Variants in DNAJC7 observed in about 807,000 individuals in gnomAD.
DNAJC7 encodes DnaJ heat shock protein family (Hsp40) member C7.
In DNAJC7, 18 loss-of-function variants were observed where a neutral mutation model predicts 67.4. The ratio of observed to expected loss-of-function variants is 0.27; its 90% CI spans 0.18 to 0.40. DNAJC7 has a LOEUF of 0.40. Among genes scored for constraint, DNAJC7 ranks in the 10% least tolerant of loss-of-function variants. DNAJC7 has a pLI of 1.00. For synonymous variants in DNAJC7, 220 were observed against 207.8 expected, an observed-to-expected ratio of 1.06 and a Z score of -0.50; for missense variants, 419 against 613.8, an observed-to-expected ratio of 0.68 and a Z score of 3.35.
chr17:41,977,427 G>T, intron 12 of DNAJC7, 104 bp from the exon 13 acceptor site: 2 of 1,085,078 alleles, frequency 1.8e-6, no homozygotes, highest in East Asian at 2.6e-5. Context: ...AGCTTTCCTG[G>T]AGAGTCTCAC....
At chr17:41,996,206 C>T in intron 4 of DNAJC7, 105 bp downstream of exon 4, 4 of 1,088,896 alleles carry the variant, frequency 3.7e-6, no homozygotes, top group Non-Finnish European at 4.1e-6. Flanking sequence ...CCCAGGTGTG[C>T]TGATGGCAGA....
rs1298402970 is a variant in DNAJC7, at chr17:42,016,829, G to A, written c.77+511C>T. ...TCTTTGACTTCTGGGATAACCGGGG[G>A]CAACCAGGTCAATTATGGAGACACA... On this transcript the variant is annotated intron_variant, in intron 1 of 13. Transcript: ENST00000457167. The A allele has an allele frequency of 2.3e-5, 11 of 487,340 alleles. 1 individual carries two copies. In the Admixed American group the frequency reaches 4.3e-4, roughly 19 times the overall value. The allele number at this position is 487,340 out of a possible 1,614,324, so 30.2% of individuals were successfully genotyped here. A position where few individuals can be genotyped will look rare whatever the true frequency, so the allele number is the denominator to read the frequency against.
intron 5 of DNAJC7, chr17:41,992,526 G>A (rs2051535707): frequency 6.6e-6 from 1 of 152,154 alleles, no homozygotes; most frequent in Admixed American, 6.5e-5. Flanking sequence ...TGTAGGTAGA[G>A]TTGTGCTAAC....
chr17:41,983,423 C>T, intron 10 of DNAJC7, 140 bp downstream of exon 10: 2 of 762,512 alleles, frequency 2.6e-6, no homozygotes, highest in Non-Finnish European at 4.1e-6. Flanking sequence ...CCACGCCCAG[C>T]CTTTGTTCAC....
chr17:42,006,796 C>CAAAAGAA (rs2051972984), intron 1 of DNAJC7, among the ~76,000 whole-genome samples: 1 of 23,322 alleles, frequency 4.3e-5, no homozygotes, highest in African/African-American at 2.1e-4. Flanking sequence ...GACTCCGTCT[C>CAAAAGAA]AAAAAAAAAA....
At chr17:41,986,840 A>T (rs1555646940) in intron 9 of DNAJC7, among the ~76,000 whole-genome samples, 1 of 152,128 alleles carries the variant, frequency 6.6e-6, no homozygotes, top group African/African-American at 2.4e-5. Flanking sequence ...TTTTGAGAAA[A>T]CTAAGTGGGA....
Position 42,000,579 on chromosome 17 carries a change from G to A in DNAJC7, c.78-9C>T. The A allele has an allele frequency of 1.9e-6, 3 of 1,583,136 alleles. No individual in the cohort carries two copies. On this transcript the variant is annotated splice_polypyrimidine_tract_variant and intron_variant, in intron 1 of 13. Transcript: ENST00000457167. Reference sequence around the variant, plus strand: ...TGAAAGTCTCTGCTTCCCTGAAAATGAAAGAGAAAGAGAATCATGTTACTT... The same window carrying A: ...TGAAAGTCTCTGCTTCCCTGAAAATAAAAGAGAAAGAGAATCATGTTACTT...
At chr17:42,003,879 T>C (rs1555649782) in intron 1 of DNAJC7, among the ~76,000 whole-genome samples, 1 of 151,788 alleles carries the variant, frequency 6.6e-6, no homozygotes, top group African/African-American at 2.4e-5. Context: ...GACCTGATGG[T>C]ACTATTAACA....
chr17:42,008,653 G>A (rs919260046), intron 1 of DNAJC7, among the ~76,000 whole-genome samples: 20 of 151,984 alleles, frequency 1.3e-4, no homozygotes, highest in African/African-American at 3.9e-4. Flanking sequence ...CTCATGATCC[G>A]CCCGCCTCGG....
chr17:41,978,368 T>C (rs1270136476), intron 12 of DNAJC7, among the ~76,000 whole-genome samples: 1 of 152,170 alleles, frequency 6.6e-6, no homozygotes, highest in South Asian at 2.1e-4. Context: ...TGCCTGTCAC[T>C]TTCCCCAACA....
chr17:41,988,930 A>C (rs1403278673), intron 7 of DNAJC7, 34 bp from the exon 8 acceptor site: 1 of 1,610,208 alleles, frequency 6.2e-7, no homozygotes, highest in Non-Finnish European at 8.5e-7. Context: ...ATCGGTTCAT[A>C]TCCACAAAGC....
intron 5 of DNAJC7, among the ~76,000 whole-genome samples, chr17:41,993,197 C>T (rs1353880830): frequency 6.6e-6 from 1 of 152,180 alleles, no homozygotes; most frequent in African/African-American, 2.4e-5. Flanking sequence ...TGGTGGCTCA[C>T]GCCTGTAATC....
chr17:41,976,897 C>T, intron 13 of DNAJC7, 127 bp from the exon 14 acceptor site: 13 of 1,215,426 alleles, frequency 1.1e-5, no homozygotes, highest in Non-Finnish European at 1.4e-5. Flanking sequence ...CTATGGGTAT[C>T]AAACAGCTCA....
intron 1 of DNAJC7, chr17:42,016,895 T>C: frequency 9.6e-7 from 1 of 1,041,274 alleles, no homozygotes. Context: ...TGGGGTATAA[T>C]TACAAGGGAA....
rs560840618 is a variant in DNAJC7 at position 41,980,580 on chromosome 17, AT to A, written c.1384+1274del. ...TTTTTGTATTTTAGTAGAGAGTACA[AT>A]TTTTTTGGTATTTTGTATGTTGCCC... On this transcript the variant is annotated intron_variant, in intron 12 of 13. Coordinates refer to ENST00000457167, the MANE Select transcript of DNAJC7 (RefSeq NM_003315.4). 3.0e-4 allele frequency among the ~76,000 whole-genome samples: 45 copies of A among 151,750 alleles called. 1 individual carries two copies. In the South Asian group the frequency reaches 9.2e-3, roughly 31 times the overall value.
Position 41,988,760 on chromosome 17 carries a change from T to A in DNAJC7, c.890A>T (p.Tyr297Phe), listed in dbSNP as rs782453418. Residue 297 changes from tyrosine to phenylalanine, a missense_variant, in exon 8 of 14, where the codon TAC becomes TTC. Tyr to Phe is a conservative substitution (Grantham distance 22). Transcript: ENST00000457167. ...GGAATTAACCGTACCCCGATTACAG[T>A]AGAGTTTAGCATTTGTTTTTATATT... ...PNNIKTNAKLYCNRGTVNSKL... is the reference protein window; with the variant it reads ...PNNIKTNAKLFCNRGTVNSKL... 7.5e-6 allele frequency: 12 copies of A among 1,610,694 alleles called. No homozygotes were observed. Among genetic ancestry groups the A allele is most frequent in the Non-Finnish European group, 8.5e-6 (10 of 1,178,920 alleles).
chr17:42,003,892 T>G (rs942743986), intron 1 of DNAJC7, among the ~76,000 whole-genome samples: 8 of 149,758 alleles, frequency 5.3e-5, no homozygotes, highest in Non-Finnish European at 1.0e-4. Flanking sequence ...TATTAACAAC[T>G]ACAATATATT....
At chr17:42,001,714 C>G (rs1555649502) in intron 1 of DNAJC7, among the ~76,000 whole-genome samples, 1 of 152,180 alleles carries the variant, frequency 6.6e-6, no homozygotes, top group Non-Finnish European at 1.5e-5. Flanking sequence ...GGTGATGGTA[C>G]AGCAATTTAC....
chr17:41,977,491 G>A (rs1431296827), intron 12 of DNAJC7, 168 bp from the exon 13 acceptor site: 6 of 574,430 alleles, frequency 1.0e-5, no homozygotes, highest in African/African-American at 5.7e-5. Flanking sequence ...GCCCCATCCC[G>A]TGCAAAACAT....
Sources: allele counts gnomAD v4.1 joint callset (sites outside exome capture counted in the v4.1 genomes callset), GRCh38; gene constraint gnomAD v4.1.1; transcripts MANE v1.5; gene names NCBI Gene and HGNC (gene_info 2026-07-23, HGNC 2026-07-21).